Variants in MIOX observed in about 807,000 individuals in gnomAD.
The protein encoded by MIOX is myo-inositol oxygenase.
Under a neutral mutation model 42.7 loss-of-function variants are expected in MIOX, and 51 were observed. The observed-to-expected ratio is 1.19, with a 90% CI of 0.95 to 1.51. The LOEUF (loss-of-function observed/expected upper bound fraction) is 1.51. MIOX is among the 40% of genes most tolerant of loss of function. The pLI is 0.00. For missense variants in MIOX, 395 were observed against 381.3 expected, an observed-to-expected ratio of 1.04 and a Z score of -0.30; for synonymous variants, 168 against 154.4, an observed-to-expected ratio of 1.09 and a Z score of -0.65.
At chr22:50,487,619 G>A (rs375908737) in intron 2 of MIOX, 43 bp from the exon 3 acceptor site, 21 of 1,590,164 alleles carry the variant, frequency 1.3e-5, no homozygotes, top group Middle Eastern at 1.7e-4. Context: ...ATGGGGCCTC[G>A]TGTGCAGGGT....
At chr22:50,487,168 G>A (rs558333786) in intron 1 of MIOX, among the ~76,000 whole-genome samples, 44 of 152,332 alleles carry the variant, frequency 2.9e-4, no homozygotes, top group African/African-American at 1.0e-3. Context: ...GCTGACTTTC[G>A]CTTTGCAGAT....
At position 50,487,381 on chromosome 22, in the gene MIOX, C is replaced by A; in HGVS notation, c.16-4C>A. ...GAAATAGGTTCAATCCTCCACCTAC[C>A]CAGGGCCCAGACCCTTCCCTGGTCT... On this transcript the variant is annotated splice_polypyrimidine_tract_variant and splice_region_variant and intron_variant, in intron 1 of 9. Transcript: ENST00000216075. The A allele has an allele frequency of 6.2e-7, 1 of 1,610,766 alleles. No homozygotes were observed. Among genetic ancestry groups the A allele is most frequent in the Non-Finnish European group, 8.5e-7 (1 of 1,178,424 alleles).
Position 50,489,283 on chromosome 22 carries a change from T to C in MIOX, c.574T>C (p.Trp192Arg). 1 of 1,406,232 alleles carries C rather than the reference T, an allele frequency of 7.1e-7. No individual in the cohort carries two copies. The highest frequency in any genetic ancestry group is 9.4e-7 in the Non-Finnish European group (1 of 1,066,918). 87.1% of individuals were successfully genotyped at this position (1,406,232 alleles called of 1,614,324 possible). ...TGGGCTCGACAGGGTCCTCATGTCC[T>C]GGGGCCATGATGGTGAGGCCAGAGG... ...HCGLDRVLMS[W>R]GHDEYMYQVM... The change falls in exon 7 of 10, where the codon TGG becomes CGG. Residue 192 changes from tryptophan (W) to arginine (R), a missense_variant. By Grantham distance (101) the Trp-to-Arg change is moderately radical. Transcript: ENST00000216075.
At position 50,490,137 on chromosome 22, in the gene MIOX, G is replaced by A. The variant is rs2068343302; in HGVS notation, c.*281G>A. Reference sequence around the variant, plus strand: ...TGGAGGCCAAGTCCCAGGCTTTCAGGTGTGTGTGTCCCACCACACTGGCCG... The same window carrying A: ...TGGAGGCCAAGTCCCAGGCTTTCAGATGTGTGTGTCCCACCACACTGGCCG... On this transcript the variant is annotated 3_prime_UTR_variant, in exon 10 of 10. Transcript: ENST00000216075. 1 of 492,298 alleles carries A rather than the reference G, an allele frequency of 2.0e-6. No homozygotes were observed. The highest frequency in any genetic ancestry group is 3.3e-5 in the Admixed American group (1 of 30,268). The allele number at this position is 492,298 out of a possible 1,614,324, so 30.5% of individuals were successfully genotyped here. A position where few individuals can be genotyped will look rare whatever the true frequency, so the allele number is the denominator to read the frequency against.
At chr22:50,488,080 T>G (rs1438224021) in intron 4 of MIOX, 32 bp downstream of exon 4, 1 of 1,611,902 alleles carries the variant, frequency 6.2e-7, no homozygotes, top group East Asian at 2.2e-5. Flanking sequence ...GGGGGGCAGG[T>G]GCTGCCTCCA....
At chr22:50,488,233 G>T in intron 4 of MIOX, 42 bp from the exon 5 acceptor site, 10 of 1,612,786 alleles carry the variant, frequency 6.2e-6, no homozygotes, top group Non-Finnish European at 7.6e-6. Context: ...CTCTGCCTTG[G>T]CCCCTGCAGT....
At position 50,489,650 on chromosome 22, in the gene MIOX, C is replaced by T. The variant is rs1360583310; in HGVS notation, c.749+6C>T. On this transcript the variant is annotated splice_donor_region_variant and intron_variant, in intron 9 of 9. Transcript: ENST00000216075. The stretch of plus-strand genomic sequence containing the variant: ...CCCTGGGTGCGGGAGTTCAAGTACG[C>T]CCCGCTACCCGCCGAGGGGTGTTGT... The T allele has an allele frequency of 3.1e-6, 5 of 1,610,222 alleles. No individual in the cohort carries two copies. The highest frequency in any genetic ancestry group is 2.2e-5 in the East Asian group (1 of 44,830).
chr22:50,489,111 C>G lies in MIOX; in HGVS notation c.480C>G (p.Thr160=). 6.2e-7 allele frequency: 1 copy of G among 1,613,354 alleles called. No homozygotes were observed. The highest frequency in any genetic ancestry group is 1.1e-5 in the South Asian group (1 of 91,078). The change falls in exon 6 of 10, where the codon ACC becomes ACG. Residue 160 remains threonine, a synonymous_variant. Coordinates refer to ENST00000216075, the MANE Select transcript of MIOX (RefSeq NM_017584.6). ...CCTCCGTGGTTTTCTGCGACTCCAC[C>G]TTCCAGGACAACCCTGACCTCCAGG... is the stretch of plus-strand genomic sequence containing the variant. The part of the protein sequence containing the change: ...PQASVVFCDS[T]FQDNPDLQDP...
In MIOX at chr22:50,489,787, C is replaced by T. The variant is rs765671947; in HGVS notation, c.789C>T (p.Asp263=). The T allele has an allele frequency of 3.3e-5, 54 of 1,612,166 alleles. No individual in the cohort carries two copies. Among genetic ancestry groups the T allele is most frequent in the East Asian group, 4.5e-5 (2 of 44,896 alleles). The part of the protein sequence containing the change: ...DLYTKCPDLP[D]VDKLRPYYQG... Reference sequence around the variant, plus strand: ...ACACCAAGTGCCCGGACCTGCCGGACGTGGACAAGCTGCGGCCCTACTACC... The same window carrying T: ...ACACCAAGTGCCCGGACCTGCCGGATGTGGACAAGCTGCGGCCCTACTACC... Residue 263 remains aspartate (D), a synonymous_variant, in exon 10 of 10, where the codon GAC becomes GAT. Coordinates refer to ENST00000216075, the MANE Select transcript of MIOX (RefSeq NM_017584.6).
At chr22:50,489,327 G>A in intron 7 of MIOX, 32 bp downstream of exon 7, 1 of 1,486,280 alleles carries the variant, frequency 6.7e-7, no homozygotes, top group Non-Finnish European at 8.9e-7. Flanking sequence ...GGGGCGGTGG[G>A]GGGCGGTGGG....
chr22:50,488,762 TCCCTCCTGTCCCTCC>T (rs1266374126), intron 5 of MIOX, among the ~76,000 whole-genome samples: 3 of 74,666 alleles, frequency 4.0e-5, no homozygotes, highest in Non-Finnish European at 4.5e-5. Context: ...GTCCCTCCTG[TCCCTCCTGTCCCTCC>T]CATCCCTCCC....
chr22:50,488,423 A>T (rs2068303041), intron 5 of MIOX, 81 bp downstream of exon 5: 2 of 1,212,532 alleles, frequency 1.6e-6, no homozygotes, highest in African/African-American at 1.5e-5. Flanking sequence ...TTGGCCTGGG[A>T]TACTACCTGG....
rs751554263 is a variant in MIOX at position 50,488,053 on chromosome 22, G to C, written c.340+5G>C. 6.2e-7 allele frequency: 1 copy of C among 1,613,386 alleles called. No homozygotes were observed. On this transcript the variant is annotated splice_donor_5th_base_variant and intron_variant, in intron 4 of 9. Coordinates refer to ENST00000216075, the MANE Select transcript of MIOX (RefSeq NM_017584.6). Reference sequence around the variant, plus strand: ...GGAAGGCCCACCCAGACAAGGGTGAGCCCTGGCTGTGCTGCAGGGGGGCAG... The same window carrying C: ...GGAAGGCCCACCCAGACAAGGGTGACCCCTGGCTGTGCTGCAGGGGGGCAG...
intron 8 of MIOX, 28 bp downstream of exon 8, chr22:50,489,474 C>G (rs376044511): frequency 1.2e-6 from 2 of 1,609,224 alleles, no homozygotes; most frequent in Non-Finnish European, 8.5e-7. Flanking sequence ...CAACGCAGCC[C>G]GTCCACCAGG....
Position 50,489,284 on chromosome 22 carries a change from G to T in MIOX, c.575G>T (p.Trp192Leu). The change falls in exon 7 of 10, where the codon TGG becomes TTG. Residue 192 changes from tryptophan (W) to leucine (L), a missense_variant. Coordinates refer to ENST00000216075, the MANE Select transcript of MIOX (RefSeq NM_017584.6). ...HCGLDRVLMS[W>L]GHDEYMYQVM... Reference sequence around the variant, plus strand: ...GGGCTCGACAGGGTCCTCATGTCCTGGGGCCATGATGGTGAGGCCAGAGGC... The same window carrying T: ...GGGCTCGACAGGGTCCTCATGTCCTTGGGCCATGATGGTGAGGCCAGAGGC... The T allele has an allele frequency of 6.3e-7, 1 of 1,592,130 alleles. No individual in the cohort carries two copies.
chr22:50,489,566 C>G lies in MIOX; in HGVS notation c.671C>G (p.Pro224Arg), dbSNP rs778152835. The change falls in exon 9 of 10, where the codon CCC becomes CGC. Residue 224 changes from proline to arginine, a missense_variant. By Grantham distance (103) the Pro-to-Arg change is moderately radical. Coordinates refer to ENST00000216075, the MANE Select transcript of MIOX (RefSeq NM_017584.6). ...ATGATCCGGTTCCACTCCTTCTACC[C>G]CTGGCACACGGGCCGCGACTACCAG... ...FYMIRFHSFY[P>R]WHTGRDYQQL... 1.2e-6 allele frequency: 2 copies of G among 1,612,592 alleles called. No homozygotes were observed. The highest frequency in any genetic ancestry group is 1.3e-5 in the African/African-American group (1 of 74,890).
At chr22:50,488,204 C>T (rs774502710) in intron 4 of MIOX, 71 bp from the exon 5 acceptor site, 2 of 1,601,768 alleles carry the variant, frequency 1.2e-6, no homozygotes. Flanking sequence ...TGGCTCTCAG[C>T]CCCGCAAACC....
chr22:50,488,779 ATCCCTCCCGTCCCTCCTGTCCCTCCCG>A (rs2068313438), intron 5 of MIOX, among the ~76,000 whole-genome samples: 15 of 17,088 alleles, frequency 8.8e-4, no homozygotes, highest in African/African-American at 3.4e-3. Context: ...TGTCCCTCCC[ATCCCTCCCGTCCCTCCTGTCCCTCCCG>A]TCCCTCCCAT....
rs754202004 is a variant in MIOX at position 50,487,984 on chromosome 22, T to C, written c.276T>C (p.Asp92=). The change falls in exon 4 of 10, where the codon GAT becomes GAC. Residue 92 remains aspartate, a synonymous_variant. Coordinates refer to ENST00000216075, the MANE Select transcript of MIOX (RefSeq NM_017584.6). The stretch of plus-strand genomic sequence containing the variant: ...TGGATGAGTCGGACCCGGACGTAGA[T>C]TTCCCCAACTCCTTCCATGCCTTCC... ...GLVDESDPDV[D]FPNSFHAFQT... 1 of 1,613,962 alleles carries C rather than the reference T, an allele frequency of 6.2e-7. No homozygotes were observed. Among genetic ancestry groups the C allele is most frequent in the East Asian group, 2.2e-5 (1 of 44,878 alleles).
Sources: allele counts gnomAD v4.1 joint callset (sites outside exome capture counted in the v4.1 genomes callset), GRCh38; gene constraint gnomAD v4.1.1; transcripts MANE v1.5; gene names NCBI Gene and HGNC (gene_info 2026-07-23, HGNC 2026-07-21).